The following PIK3C2A variants were observed in gnomAD, a reference collection of about 807,000 sequenced individuals.
The protein encoded by PIK3C2A is phosphatidylinositol 4-phosphate 3-kinase C2 domain-containing subunit alpha.
A neutral mutation model predicts 204.5 loss-of-function variants in PIK3C2A; 97 were observed. That is an observed-to-expected ratio of 0.47 (90% CI 0.40 to 0.56). The LOEUF is 0.56. PIK3C2A is among the 20% of genes least tolerant of loss of function. The pLI is 0.00. For synonymous variants in PIK3C2A, 653 were observed against 664.4 expected (o/e 0.98, Z 0.26); for missense variants, 1,735 against 1,969.2 (o/e 0.88, Z 2.25).
chr11:17,134,905 C>G lies in PIK3C2A; in HGVS notation c.2022G>C (p.Lys674Asn). 1 of 1,614,172 alleles carries G rather than the reference C, an allele frequency of 6.2e-7. No homozygotes were observed. The highest frequency in any genetic ancestry group is 8.5e-7 in the Non-Finnish European group (1 of 1,180,006). ...RSPTDCAQSS[K>N]SVKEAWTTTE... is the part of the protein sequence containing the mutation. ...TTGTAGTCCATGCTTCCTTGACACT[C>G]TTGCTACTTTGGGCACAGTCTGTAG... Residue 674 changes from lysine to asparagine, a missense_variant, in exon 11 of 33, where the codon AAG becomes AAC. Transcript: ENST00000691414.
chr11:17,117,164 T>C (rs1000394730), intron 19 of PIK3C2A, among the ~76,000 whole-genome samples: 2 of 151,962 alleles, frequency 1.3e-5, no homozygotes, highest in South Asian at 4.1e-4. Flanking sequence ...GAGGGGAAAA[T>C]GGGGACATGC....
intron 32 of PIK3C2A, among the ~76,000 whole-genome samples, chr11:17,090,650 CTATTT>C (rs1168886608): frequency 2.6e-5 from 4 of 152,046 alleles, no homozygotes; most frequent in East Asian, 3.9e-4. Flanking sequence ...TATGAGGGCT[CTATTT>C]TATATCATTT....
chr11:17,181,117 A>G (rs770832886), intron 1 of PIK3C2A, among the ~76,000 whole-genome samples: 15 of 152,164 alleles, frequency 9.9e-5, no homozygotes, highest in Non-Finnish European at 1.8e-4. Context: ...TCTGGACACT[A>G]TCTCCCGGCA....
chr11:17,185,493 A>G (rs1851722825), intron 1 of PIK3C2A, among the ~76,000 whole-genome samples: 1 of 152,198 alleles, frequency 6.6e-6, no homozygotes, highest in Non-Finnish European at 1.5e-5. Flanking sequence ...CCGAAGTTTT[A>G]GGCATCCACT....
intron 1 of PIK3C2A, among the ~76,000 whole-genome samples, chr11:17,201,850 T>C (rs1028404970): frequency 6.6e-6 from 1 of 152,190 alleles, no homozygotes. Context: ...TCTCTCCTAG[T>C]TGGAATATAA....
At chr11:17,128,167 A>C (rs1849581404) in intron 13 of PIK3C2A, among the ~76,000 whole-genome samples, 1 of 152,098 alleles carries the variant, frequency 6.6e-6, no homozygotes, top group Non-Finnish European at 1.5e-5. Flanking sequence ...ATTATAGTAA[A>C]TATATTGCCA....
intron 2 of PIK3C2A, among the ~76,000 whole-genome samples, chr11:17,162,751 C>T (rs1850818722): frequency 6.6e-6 from 1 of 152,220 alleles, no homozygotes; most frequent in South Asian, 2.1e-4. Flanking sequence ...ACCCATTCTG[C>T]TTCAGGGGCT....
chr11:17,155,501 A>C, intron 3 of PIK3C2A, 25 bp downstream of exon 3: 1 of 1,326,214 alleles, frequency 7.5e-7, no homozygotes. Flanking sequence ...TTTCAAATGA[A>C]CATTTATAAA....
intron 15 of PIK3C2A, among the ~76,000 whole-genome samples, chr11:17,121,016 C>T (rs921211339): frequency 5.3e-5 from 8 of 152,046 alleles, no homozygotes; most frequent in Non-Finnish European, 5.9e-5. Flanking sequence ...CCACGTTCAG[C>T]CTACAATCTC....
chr11:17,146,237 TAGAG>T (rs2137424369), intron 6 of PIK3C2A, among the ~76,000 whole-genome samples: 1 of 152,298 alleles, frequency 6.6e-6, no homozygotes, highest in Non-Finnish European at 1.5e-5. Flanking sequence ...ATATAGAGAA[TAGAG>T]AGCTAAAAAC....
At chr11:17,093,304 T>C (rs1490536361) in intron 28 of PIK3C2A, among the ~76,000 whole-genome samples, 1 of 152,238 alleles carries the variant, frequency 6.6e-6, no homozygotes, top group Non-Finnish European at 1.5e-5. Flanking sequence ...TCTCGCTCTG[T>C]TGCCCAGGCT....
At chr11:17,128,969 T>C (rs536705150) in intron 13 of PIK3C2A, among the ~76,000 whole-genome samples, 1 of 152,332 alleles carries the variant, frequency 6.6e-6, no homozygotes, top group South Asian at 2.1e-4. Flanking sequence ...AGTTCTTTGG[T>C]TAACATCAAG....
At chr11:17,105,064 G>T in intron 23 of PIK3C2A, 105 bp downstream of exon 23, 3 of 810,306 alleles carry the variant, frequency 3.7e-6, no homozygotes, top group Admixed American at 2.4e-5. Context: ...TCCTGACTTA[G>T]ACTAAATGAC....
chr11:17,198,150 C>T (rs1314650027), intron 1 of PIK3C2A, among the ~76,000 whole-genome samples: 2 of 150,796 alleles, frequency 1.3e-5, no homozygotes, highest in African/African-American at 2.4e-5. Context: ...GCTCTGTCTC[C>T]CAGGCTGGAG....
intron 1 of PIK3C2A, among the ~76,000 whole-genome samples, chr11:17,180,285 T>C (rs1851492691): frequency 6.6e-6 from 1 of 152,112 alleles, no homozygotes; most frequent in African/African-American, 2.4e-5. Flanking sequence ...GGAAGACTGC[T>C]TGAGCCCAGG....
At chr11:17,122,927 A>T (rs1849409863) in intron 13 of PIK3C2A, 114 bp from the exon 14 acceptor site, 1 of 589,298 alleles carries the variant, frequency 1.7e-6, no homozygotes. Flanking sequence ...TAAAAAGGAT[A>T]TCTTTAAGAA....
Position 17,092,068 on chromosome 11 carries a change from A to T in PIK3C2A, c.4570T>A (p.Cys1524Ser), listed in dbSNP as rs201674940. ...LMNASTDVAECDLVCTFFHPL... is the reference protein window; with the variant it reads ...LMNASTDVAESDLVCTFFHPL... ...TGGAAGAAAGTACAAACAAGATCAC[A>T]CTAAGAATAAAGAGAAAGCAATTCA... The change falls in exon 30 of 33, where the codon TGT (cysteine) becomes AGT (serine). Residue 1524 changes from cysteine (C) to serine (S), a missense_variant and splice_region_variant. Cys to Ser is a moderately radical substitution (Grantham distance 112). Around this residue, in one of 6 missense-constraint regions of PIK3C2A, gnomAD observed 503 missense variants for 669.0 expected, o/e 0.75. Transcript: ENST00000691414. 1 of 1,602,976 alleles carries T rather than the reference A, an allele frequency of 6.2e-7. No individual in the cohort carries two copies. Among genetic ancestry groups the T allele is most frequent in the Non-Finnish European group, 8.5e-7 (1 of 1,169,922 alleles).
intron 13 of PIK3C2A, among the ~76,000 whole-genome samples, chr11:17,126,325 G>A (rs1849523089): frequency 6.6e-6 from 1 of 152,042 alleles, no homozygotes; most frequent in South Asian, 2.1e-4. Flanking sequence ...CGGATGGCGG[G>A]AAGATGGATC....
At position 17,092,291 on chromosome 11, in the gene PIK3C2A, C is replaced by A; in HGVS notation, c.4452-15G>T. 8.8e-7 allele frequency: 1 copy of A among 1,135,346 alleles called. No individual in the cohort carries two copies. The highest frequency in any genetic ancestry group is 1.8e-5 in the Admixed American group (1 of 54,228). 70.3% of individuals were successfully genotyped at this position (1,135,346 alleles called of 1,614,324 possible). A position where few individuals can be genotyped will look rare whatever the true frequency, so the allele number is the denominator to read the frequency against. On this transcript the variant is annotated splice_polypyrimidine_tract_variant and intron_variant, in intron 28 of 32. Transcript: ENST00000691414. ...TATTAGGAAAGCTACAAAAGAAAAA[C>A]AAAAACAAGTGGGATTTAAATAAGT...
Sources: allele counts gnomAD v4.1 joint callset (sites outside exome capture counted in the v4.1 genomes callset), GRCh38; gene constraint gnomAD v4.1.1; regional missense constraint gnomAD v4.1.1; transcripts MANE v1.5; gene names NCBI Gene and HGNC (gene_info 2026-07-23, HGNC 2026-07-21).